SYNJ2BP: variants seen among roughly 807,000 people sequenced by gnomAD.
The protein encoded by SYNJ2BP is synaptojanin-2-binding protein.
In SYNJ2BP, 10 loss-of-function variants were observed where a neutral mutation model predicts 16.9. The observed-to-expected ratio is 0.59, with a 90% CI of 0.36 to 1.00. The LOEUF (loss-of-function observed/expected upper bound fraction) is 1.00. Ranked by LOEUF, SYNJ2BP falls within the 50% of genes least tolerant of loss-of-function variation. SYNJ2BP has a pLI of 0.01. For missense variants in SYNJ2BP, 162 were observed against 186.7 expected, an observed-to-expected ratio of 0.87 and a Z score of 0.77; for synonymous variants, 54 against 68.4, an observed-to-expected ratio of 0.79 and a Z score of 1.04.
chr14:70,390,698 G>T (rs992504300), intron 1 of SYNJ2BP, among the ~76,000 whole-genome samples: 2 of 151,878 alleles, frequency 1.3e-5, no homozygotes, highest in African/African-American at 4.8e-5. Context: ...GACATATGCG[G>T]GCTTTCTGAA....
At position 70,367,702 on chromosome 14, in the gene SYNJ2BP, G is replaced by A. The variant is rs1305699968; in HGVS notation, c.*5289C>T. 6.6e-6 allele frequency: 1 copy of A among 151,790 alleles called. No homozygotes were observed. Among genetic ancestry groups the A allele is most frequent in the East Asian group, 1.9e-4 (1 of 5,182 alleles). 9.4% of individuals were successfully genotyped at this position (151,790 alleles called of 1,614,324 possible). A position where few individuals can be genotyped will look rare whatever the true frequency, so the allele number is the denominator to read the frequency against. ...TCAAAAAGATTTGCAGTTAAAAGAG[G>A]AACAGCAAAAAAGACTTACACCAAA... On this transcript the variant is annotated 3_prime_UTR_variant, in exon 4 of 4. Transcript: ENST00000256366.
At position 70,372,616 on chromosome 14, in the gene SYNJ2BP, T is replaced by C. The variant is rs1177897349; in HGVS notation, c.*375A>G. 1.8e-5 allele frequency: 3 copies of C among 165,124 alleles called. No homozygotes were observed. The highest frequency in any genetic ancestry group is 7.2e-5 in the African/African-American group (3 of 41,876). The allele number at this position is 165,124 out of a possible 1,614,324, so 10.2% of individuals were successfully genotyped here. On this transcript the variant is annotated 3_prime_UTR_variant, in exon 4 of 4. Coordinates refer to ENST00000256366, the MANE Select transcript of SYNJ2BP (RefSeq NM_018373.3). ...CAAGGAAGATCATTAAAAAGAAAAA[T>C]CCTTTCTTCCTCTAATATCACATAG...
chr14:70,413,636 CA>C (rs986469369), intron 1 of SYNJ2BP, among the ~76,000 whole-genome samples: 2 of 151,656 alleles, frequency 1.3e-5, no homozygotes, highest in Non-Finnish European at 2.9e-5. Flanking sequence ...AGACGCGTCT[CA>C]AAAAAAAGAA....
In SYNJ2BP at chr14:70,369,592, A is replaced by T. The variant is rs532663011; in HGVS notation, c.*3399T>A. The T allele has an allele frequency of 6.6e-6, 1 of 152,230 alleles. No individual in the cohort carries two copies. The highest frequency in any genetic ancestry group is 1.5e-5 in the Non-Finnish European group (1 of 68,032). 9.4% of individuals were successfully genotyped at this position (152,230 alleles called of 1,614,324 possible). On this transcript the variant is annotated 3_prime_UTR_variant, in exon 4 of 4. Coordinates refer to ENST00000256366, the MANE Select transcript of SYNJ2BP (RefSeq NM_018373.3). ...CTCTCATTTTTAGTCTCTTTGTGAC[A>T]ATACTTAGATCCCAGAGTTATGAGA...
chr14:70,387,718 C>G (rs920297041), intron 2 of SYNJ2BP, among the ~76,000 whole-genome samples: 3 of 151,616 alleles, frequency 2.0e-5, no homozygotes, highest in African/African-American at 7.3e-5. Context: ...GTAGTCCCAA[C>G]TACTCAGGAG....
intron 1 of SYNJ2BP, among the ~76,000 whole-genome samples, chr14:70,390,889 T>G (rs111537227): frequency 9.9e-5 from 15 of 152,132 alleles, no homozygotes; most frequent in African/African-American, 3.6e-4. Context: ...ATCCCAGCAC[T>G]TTGGGAGGCC....
chr14:70,392,456 A>G (rs1887999100), intron 1 of SYNJ2BP, among the ~76,000 whole-genome samples: 1 of 152,160 alleles, frequency 6.6e-6, no homozygotes, highest in Admixed American at 6.6e-5. Flanking sequence ...CCCTGTCTAC[A>G]TCAATGGGTA....
chr14:70,376,335 T>G (rs950941528), intron 2 of SYNJ2BP, among the ~76,000 whole-genome samples: 3 of 152,240 alleles, frequency 2.0e-5, no homozygotes, highest in Non-Finnish European at 2.9e-5. Context: ...AATTAGTCAT[T>G]TTTTAATCAA....
chr14:70,389,158 T>G (rs555825300), intron 1 of SYNJ2BP, among the ~76,000 whole-genome samples: 1 of 152,254 alleles, frequency 6.6e-6, no homozygotes, highest in South Asian at 2.1e-4. Context: ...TTGATGGTAT[T>G]CAAAGGACCC....
Position 70,388,607 on chromosome 14 carries a change from C to G in SYNJ2BP, c.65-1G>C. The G allele has an allele frequency of 6.7e-7, 1 of 1,494,570 alleles. No individual in the cohort carries two copies. Among genetic ancestry groups the G allele is most frequent in the Non-Finnish European group, 8.9e-7 (1 of 1,120,734 alleles). The allele number at this position is 1,494,570 out of a possible 1,614,324, so 92.6% of individuals were successfully genotyped here. ...CCACCGACGATGTTGAAGCCCAGCCCTGAGAAAATCATGGAGGAGTAAAAA... is the reference window on the plus strand; with the variant it reads ...CCACCGACGATGTTGAAGCCCAGCCGTGAGAAAATCATGGAGGAGTAAAAA... On this transcript the variant is annotated splice_acceptor_variant, in intron 1 of 3. Coordinates refer to ENST00000256366, the MANE Select transcript of SYNJ2BP (RefSeq NM_018373.3). LOFTEE classifies it high-confidence loss of function.
In SYNJ2BP at chr14:70,367,561, CAAAAAAAAAAAAAA is replaced by C. The variant is rs71448320; in HGVS notation, c.*5416_*5429del. The C allele has an allele frequency of 6.0e-4, 22 of 36,944 alleles. 1 individual carries two copies. The highest frequency in any genetic ancestry group is 2.1e-3 in the African/African-American group (22 of 10,340). The allele number at this position is 36,944 out of a possible 1,614,324, so 2.3% of individuals were successfully genotyped here. A position where few individuals can be genotyped will look rare whatever the true frequency, so the allele number is the denominator to read the frequency against. Reference sequence around the variant, plus strand: ...TAGGCGACAGAGCAAGACTCCGTCTCAAAAAAAAAAAAAAAAAAAAAAAAAAGAAAAGAAAAGAA... The same window carrying C: ...TAGGCGACAGAGCAAGACTCCGTCTCAAAAAAAAAAAAGAAAAGAAAAGAA... On this transcript the variant is annotated 3_prime_UTR_variant, in exon 4 of 4. Transcript: ENST00000256366.
chr14:70,416,088 A>C (rs1283179023), intron 1 of SYNJ2BP, among the ~76,000 whole-genome samples: 2 of 152,196 alleles, frequency 1.3e-5, no homozygotes, highest in African/African-American at 2.4e-5. Context: ...AAGAGCTCTT[A>C]ATTGATCAAC....
chr14:70,376,714 A>C (rs79130255), intron 2 of SYNJ2BP, among the ~76,000 whole-genome samples: 1 of 152,352 alleles, frequency 6.6e-6, no homozygotes, highest in East Asian at 1.9e-4. Context: ...TCCACAGATA[A>C]AGAAACTTGA....
chr14:70,410,480 C>T (rs1377176073), intron 1 of SYNJ2BP, among the ~76,000 whole-genome samples: 2 of 152,026 alleles, frequency 1.3e-5, no homozygotes, highest in Non-Finnish European at 2.9e-5. Flanking sequence ...TATCAGTTTG[C>T]TCAGTCATTT....
At chr14:70,375,010 C>T (rs979326359) in intron 3 of SYNJ2BP, among the ~76,000 whole-genome samples, 4 of 149,046 alleles carry the variant, frequency 2.7e-5, no homozygotes, top group African/African-American at 7.4e-5. Flanking sequence ...CTTGAACTCC[C>T]GGGCTCAAGC....
intron 2 of SYNJ2BP, among the ~76,000 whole-genome samples, chr14:70,376,213 A>G (rs910715547): frequency 1.3e-5 from 2 of 152,178 alleles, no homozygotes; most frequent in East Asian, 3.8e-4. Context: ...ACTCTCCACC[A>G]ATTTATTTTG....
intron 1 of SYNJ2BP, among the ~76,000 whole-genome samples, chr14:70,402,329 CATTTT>C: frequency 6.6e-6 from 1 of 152,254 alleles, no homozygotes; most frequent in South Asian, 2.1e-4. Context: ...GGCAGCTACT[CATTTT>C]ATTTTATTTT....
rs1245056283 is a variant in SYNJ2BP, at chr14:70,371,542, C to A, written c.*1449G>T. 1.3e-5 allele frequency: 2 copies of A among 152,266 alleles called. No individual in the cohort carries two copies. Among genetic ancestry groups the A allele is most frequent in the Non-Finnish European group, 2.9e-5 (2 of 68,116 alleles). 9.4% of individuals were successfully genotyped at this position (152,266 alleles called of 1,614,324 possible). A position where few individuals can be genotyped will look rare whatever the true frequency, so the allele number is the denominator to read the frequency against. Reference sequence around the variant, plus strand: ...CAAACAGTTCTCCTGCCTCAGCCTCCTGAGTAGCTGGAATTACAGGAACGC... The same window carrying A: ...CAAACAGTTCTCCTGCCTCAGCCTCATGAGTAGCTGGAATTACAGGAACGC... On this transcript the variant is annotated 3_prime_UTR_variant, in exon 4 of 4. Transcript: ENST00000256366.
At chr14:70,374,614 G>A (rs1887585453) in intron 3 of SYNJ2BP, among the ~76,000 whole-genome samples, 1 of 152,190 alleles carries the variant, frequency 6.6e-6, no homozygotes, top group African/African-American at 2.4e-5. Flanking sequence ...AGAAACAGAT[G>A]CAGGGATAGG....
Sources: allele counts gnomAD v4.1 joint callset (sites outside exome capture counted in the v4.1 genomes callset), GRCh38; gene constraint gnomAD v4.1.1; transcripts MANE v1.5; gene names NCBI Gene and HGNC (gene_info 2026-07-23, HGNC 2026-07-21).